SMARCAD1: variants seen among roughly 807,000 people sequenced by gnomAD.
SMARCAD1 encodes the protein SNF2 related chromatin remodeling ATPase with DExD box 1.
Under a neutral mutation model 127.1 loss-of-function variants are expected in SMARCAD1, and 25 were observed. That is an observed-to-expected ratio of 0.20 (90% CI 0.14 to 0.27). The LOEUF (loss-of-function observed/expected upper bound fraction) is 0.27, where lower values mean the gene tolerates loss of function less well. Ranked by LOEUF, SMARCAD1 falls within the 10% of genes least tolerant of loss-of-function variation. The pLI, the probability that SMARCAD1 is intolerant of heterozygous loss-of-function variation, is 1.00. For missense variants in SMARCAD1, 807 were observed against 1,206.0 expected (o/e 0.67, Z 4.90); for synonymous variants, 400 against 396.9 (o/e 1.01, Z -0.09).
rs150382676 is a variant in SMARCAD1, at chr4:94,250,962, G to C, written c.889+129G>C. On this transcript the variant is annotated intron_variant, in intron 8 of 23. Transcript: ENST00000354268. ...GGTGGGATTGCAAAAGATGTTGAAAGTAATGATGTAAAAACATTCTTTAAC... is the reference window on the plus strand; with the variant it reads ...GGTGGGATTGCAAAAGATGTTGAAACTAATGATGTAAAAACATTCTTTAAC... The C allele has an allele frequency of 2.5e-3, 1,642 of 659,638 alleles. 12 individuals carry two copies. The highest frequency in any genetic ancestry group is 0.02 in the Middle Eastern group (46 of 2,330). 40.9% of individuals were successfully genotyped at this position (659,638 alleles called of 1,614,324 possible).
rs1379345974 is a variant in SMARCAD1 at position 94,226,200 on chromosome 4, A to G, written c.272A>G (p.Tyr91Cys). 10 of 1,611,492 alleles carry G rather than the reference A, an allele frequency of 6.2e-6. No individual in the cohort carries two copies. Among genetic ancestry groups the G allele is most frequent in the Non-Finnish European group, 8.5e-6 (10 of 1,177,868 alleles). ...TTCAAAAATCAAAGAGGAATACAGT[A>G]TATTGATTTGTCTTCTGATAGTGAA... ...SYFKNQRGIQ[Y>C]IDLSSDSEDV... Residue 91 changes from tyrosine to cysteine, a missense_variant, in exon 3 of 24, where the codon TAT becomes TGT. Physicochemically the swap from Tyr to Cys is radical, Grantham distance 194. Around this residue, in one of 8 missense-constraint regions of SMARCAD1, gnomAD observed 175 missense variants for 169.5 expected, o/e 1.03. Coordinates refer to ENST00000354268, the MANE Select transcript of SMARCAD1 (RefSeq NM_020159.5).
At chr4:94,285,459 G>A (rs997097623) in intron 23 of SMARCAD1, among the ~76,000 whole-genome samples, 1 of 151,898 alleles carries the variant, frequency 6.6e-6, no homozygotes, top group African/African-American at 2.4e-5. Flanking sequence ...TGGGAGAAAG[G>A]GTGCATGTCA....
chr4:94,218,036 C>T (rs1422951192), intron 2 of SMARCAD1, among the ~76,000 whole-genome samples: 1 of 152,152 alleles, frequency 6.6e-6, no homozygotes, highest in African/African-American at 2.4e-5. Context: ...TATTTTTGTG[C>T]TCTTGCTTTA....
At chr4:94,254,578 C>G (rs1473534283) in intron 9 of SMARCAD1, among the ~76,000 whole-genome samples, 1 of 152,096 alleles carries the variant, frequency 6.6e-6, no homozygotes, top group African/African-American at 2.4e-5. Context: ...TTAAATTAGT[C>G]TTGACATGAA....
At chr4:94,222,098 G>A (rs947855804) in intron 2 of SMARCAD1, among the ~76,000 whole-genome samples, 14 of 152,112 alleles carry the variant, frequency 9.2e-5, no homozygotes, top group Admixed American at 4.6e-4. Context: ...GCCCTGGTAC[G>A]GAGAGGGTAC....
At chr4:94,289,167 A>G (rs1489832311) in intron 23 of SMARCAD1, among the ~76,000 whole-genome samples, 28 of 152,136 alleles carry the variant, frequency 1.8e-4, no homozygotes, top group Admixed American at 1.8e-3. Context: ...TTATTTAGCA[A>G]ATGTGAGAAG....
At chr4:94,275,019 A>T in intron 14 of SMARCAD1, 54 bp downstream of exon 14, 1 of 1,262,010 alleles carries the variant, frequency 7.9e-7, no homozygotes, top group Non-Finnish European at 1.2e-6. Flanking sequence ...CCCAAATTTA[A>T]AAAAGAAATT....
chr4:94,257,764 C>G (rs1253938908), intron 9 of SMARCAD1, among the ~76,000 whole-genome samples: 1 of 151,970 alleles, frequency 6.6e-6, no homozygotes, highest in Non-Finnish European at 1.5e-5. Context: ...CTTTTTGTCT[C>G]ATTGTTCTGA....
At chr4:94,225,983 TAA>T in intron 2 of SMARCAD1, 134 bp from the exon 3 acceptor site, 1 of 782,018 alleles carries the variant, frequency 1.3e-6, no homozygotes, top group Non-Finnish European at 2.0e-6. Context: ...TTTTTTTCTT[TAA>T]AAAGTGGTGA....
chr4:94,262,936 GA>G (rs58752878), intron 9 of SMARCAD1, among the ~76,000 whole-genome samples: 4,935 of 143,984 alleles, frequency 0.034, 257 homozygotes, highest in African/African-American at 0.12. Flanking sequence ...GTTGGTTACA[GA>G]AAAAAAAAAG....
intron 2 of SMARCAD1, among the ~76,000 whole-genome samples, chr4:94,224,544 C>T (rs1744697277): frequency 6.6e-6 from 1 of 152,114 alleles, no homozygotes; most frequent in African/African-American, 2.4e-5. Context: ...TGGAATTTTC[C>T]ACTCTTGGAG....
At chr4:94,266,755 TC>T (rs1192440369) in intron 10 of SMARCAD1, among the ~76,000 whole-genome samples, 1 of 152,170 alleles carries the variant, frequency 6.6e-6, no homozygotes, top group East Asian at 1.9e-4. Flanking sequence ...CAGAACAAGT[TC>T]TTCATGACGA....
At chr4:94,276,968 G>T in intron 15 of SMARCAD1, 54 bp from the exon 16 acceptor site, 1 of 1,603,932 alleles carries the variant, frequency 6.2e-7, no homozygotes, top group South Asian at 1.1e-5. Context: ...GGATAGACAT[G>T]AAAGGAGTGG....
In SMARCAD1 at chr4:94,281,972, G is replaced by A. The variant is rs771031382; in HGVS notation, c.2726+382G>A. Among the ~76,000 whole-genome samples the A allele has an allele frequency of 1.4e-4, 22 of 151,904 alleles. 1 individual carries two copies. The highest frequency in any genetic ancestry group is 2.4e-4 in the Non-Finnish European group (16 of 67,928). On this transcript the variant is annotated intron_variant, in intron 21 of 23. Transcript: ENST00000354268. ...GAGGATTGTTTGAGCCCCGGGGGGC[G>A]GAGGTTGCAGTGAGCCAAGATCGCA...
intron 21 of SMARCAD1, 32 bp downstream of exon 21, chr4:94,281,622 T>A (rs1229101427): frequency 1.6e-6 from 2 of 1,277,266 alleles, no homozygotes; most frequent in Non-Finnish European, 2.3e-6. Context: ...TACAAAAAAA[T>A]AACTCATTTA....
intron 22 of SMARCAD1, among the ~76,000 whole-genome samples, chr4:94,283,645 G>C (rs1754421265): frequency 1.3e-5 from 2 of 152,226 alleles, no homozygotes; most frequent in South Asian, 4.2e-4. Flanking sequence ...TTAACAGGGT[G>C]AAACCCCGTC....
intron 3 of SMARCAD1, among the ~76,000 whole-genome samples, chr4:94,232,769 A>C (rs1746039367): frequency 6.6e-6 from 1 of 152,068 alleles, no homozygotes; most frequent in Non-Finnish European, 1.5e-5. Context: ...CCTGGCAGAA[A>C]CTCTGGCAGT....
At position 94,213,014 on chromosome 4, in the gene SMARCAD1, C is replaced by G. The variant is rs10433970; in HGVS notation, c.190+4430C>G. 0.32 allele frequency: 370,711 copies of G among 1,176,746 alleles called. 63,742 individuals are homozygous for G. The highest frequency in any genetic ancestry group is 0.72 in the East Asian group (12,514 of 17,494). The allele number at this position is 1,176,746 out of a possible 1,614,324, so 72.9% of individuals were successfully genotyped here. A position where few individuals can be genotyped will look rare whatever the true frequency, so the allele number is the denominator to read the frequency against. ...TTTACACATTATTTCTCCTTTTTTT[C>G]TTTGACTTTTGGGAGTACAGTGAGT... On this transcript the variant is annotated intron_variant, in intron 2 of 23. Transcript: ENST00000354268.
chr4:94,277,403 G>A (rs536066677), intron 16 of SMARCAD1, among the ~76,000 whole-genome samples: 3 of 152,236 alleles, frequency 2.0e-5, no homozygotes, highest in East Asian at 1.9e-4. Flanking sequence ...GAAGGATGAC[G>A]ATTTTAAATT....
Sources: gnomAD v4.1 joint callset for allele counts (sites outside exome capture counted in the v4.1 genomes callset) on GRCh38, gnomAD v4.1.1 for gene constraint, gnomAD v4.1.1 regional missense constraint, MANE v1.5 for transcripts, NCBI Gene and HGNC (gene_info 2026-07-23, HGNC 2026-07-21) for gene names.